The following GPR158 variants were observed in gnomAD, a reference collection of about 807,000 sequenced individuals.
GPR158 encodes the protein metabotropic glycine receptor.
GPR158 carries 30 observed loss-of-function variants against 78.2 expected under a neutral mutation model. That is an observed-to-expected ratio of 0.38 (90% CI 0.29 to 0.52). The LOEUF (loss-of-function observed/expected upper bound fraction) is 0.52, where lower values mean the gene tolerates loss of function less well. Among genes scored for constraint, GPR158 ranks in the 20% least tolerant of loss-of-function variants. The pLI is 0.83. For missense variants in GPR158, 1,463 were observed against 1,523.5 expected (o/e 0.96, Z 0.66); for synonymous variants, 581 against 591.1 (o/e 0.98, Z 0.25).
chr10:25,240,153 T>C (rs993725744), intron 2 of GPR158, among the ~76,000 whole-genome samples: 3 of 152,056 alleles, frequency 2.0e-5, no homozygotes, highest in Admixed American at 2.0e-4. Flanking sequence ...GGGGACAAAA[T>C]TATTCTGTTC....
chr10:25,518,474 A>G (rs1016008615), intron 5 of GPR158, among the ~76,000 whole-genome samples: 3 of 95,946 alleles, frequency 3.1e-5, no homozygotes, highest in African/African-American at 5.2e-5. Context: ...TCGGGTGTCA[A>G]TTTTAGATCT....
At chr10:25,289,455 C>A (rs988772494) in intron 2 of GPR158, among the ~76,000 whole-genome samples, 1 of 151,944 alleles carries the variant, frequency 6.6e-6, no homozygotes, top group Non-Finnish European at 1.5e-5. Flanking sequence ...TTTTTTGAGG[C>A]GGAGTCTTGC....
Position 25,533,584 on chromosome 10 carries a change from C to G in GPR158, c.1405-17392C>G, listed in dbSNP as rs539095013. On this transcript the variant is annotated intron_variant, in intron 5 of 10. Coordinates refer to ENST00000376351, the MANE Select transcript of GPR158 (RefSeq NM_020752.3). ...ATTCGGTTTAAAACATTCATTTTAC[C>G]ATTTGTTAACTTCATTCTTTATATA... Among the ~76,000 whole-genome samples the G allele has an allele frequency of 3.3e-5, 5 of 152,190 alleles. No homozygotes were observed. In the South Asian group the frequency reaches 6.2e-4, roughly 19 times the overall value.
intron 2 of GPR158, among the ~76,000 whole-genome samples, chr10:25,231,889 A>C (rs2130696039): frequency 6.6e-6 from 1 of 152,316 alleles, no homozygotes; most frequent in Admixed American, 6.5e-5. Context: ...AATGCTTTGA[A>C]GCTTCTCTGT....
At chr10:25,315,735 T>C (rs1854838032) in intron 2 of GPR158, among the ~76,000 whole-genome samples, 1 of 151,976 alleles carries the variant, frequency 6.6e-6, no homozygotes, top group Non-Finnish European at 1.5e-5. Context: ...TTTAAAGTTT[T>C]AAAGTTAGGA....
chr10:25,296,762 C>T (rs1481139562), intron 2 of GPR158, among the ~76,000 whole-genome samples: 2 of 152,136 alleles, frequency 1.3e-5, no homozygotes, highest in Non-Finnish European at 2.9e-5. Context: ...CTTCATTTTA[C>T]AGTTGAGGAA....
chr10:25,512,522 A>G (rs78054210), intron 5 of GPR158, among the ~76,000 whole-genome samples: 2 of 151,952 alleles, frequency 1.3e-5, no homozygotes, highest in Non-Finnish European at 2.9e-5. Context: ...GATGCCCTTT[A>G]TTTCTTTCTC....
At chr10:25,465,143 G>C (rs1307704122) in intron 4 of GPR158, among the ~76,000 whole-genome samples, 1 of 152,106 alleles carries the variant, frequency 6.6e-6, no homozygotes, top group African/African-American at 2.4e-5. Flanking sequence ...CCAGTTGTCT[G>C]ATAGTGCTTT....
intron 2 of GPR158, among the ~76,000 whole-genome samples, chr10:25,248,572 ATCCTT>A (rs1231794375): frequency 6.0e-5 from 9 of 150,974 alleles, no homozygotes; most frequent in African/African-American, 2.2e-4. Flanking sequence ...TAAATAGGGA[ATCCTT>A]TCCCCATTTC....
At chr10:25,433,536 G>GTGTGTGTGCGTGTGTGT (rs1554803596) in intron 4 of GPR158, among the ~76,000 whole-genome samples, 1 of 131,890 alleles carries the variant, frequency 7.6e-6, no homozygotes, top group African/African-American at 3.1e-5. Context: ...TTAGGGGTGT[G>GTGTGTGTGCGTGTGTGT]TGTGTGTGTG....
intron 7 of GPR158, among the ~76,000 whole-genome samples, chr10:25,578,259 C>T (rs983568229): frequency 2.0e-5 from 3 of 152,204 alleles, no homozygotes; most frequent in Non-Finnish European, 2.9e-5. Context: ...ACATGGCCTA[C>T]GTTGTTCAGA....
rs934201677 is a variant in GPR158, at chr10:25,250,853, G to A, written c.1008+29696G>A. On this transcript the variant is annotated intron_variant, in intron 2 of 10. Coordinates refer to ENST00000376351, the MANE Select transcript of GPR158 (RefSeq NM_020752.3). ...TCCGCTTGGTGCAGAGCTGAGTTCAGTTCCTGGGTATCCTTGTTGACTTTC... is the reference window on the plus strand; with the variant it reads ...TCCGCTTGGTGCAGAGCTGAGTTCAATTCCTGGGTATCCTTGTTGACTTTC... Among the ~76,000 whole-genome samples, 5 of 151,272 alleles carry A rather than the reference G, an allele frequency of 3.3e-5. No homozygotes were observed. In the South Asian group the frequency reaches 6.3e-4, roughly 19 times the overall value.
chr10:25,378,421 C>A (rs990573369), intron 2 of GPR158, among the ~76,000 whole-genome samples: 11 of 151,262 alleles, frequency 7.3e-5, no homozygotes, highest in African/African-American at 2.7e-4. Context: ...TTTTTTAAAT[C>A]ATTGTTAGAA....
intron 2 of GPR158, among the ~76,000 whole-genome samples, chr10:25,360,331 T>G (rs1855616127): frequency 6.6e-6 from 1 of 152,208 alleles, no homozygotes. Flanking sequence ...TGCCCATGCC[T>G]ATGTCCTGAA....
At chr10:25,565,991 C>T (rs958252962) in intron 6 of GPR158, among the ~76,000 whole-genome samples, 9 of 152,022 alleles carry the variant, frequency 5.9e-5, no homozygotes, top group East Asian at 1.9e-4. Context: ...GTTACTAGAG[C>T]GAGAAACAAA....
intron 3 of GPR158, among the ~76,000 whole-genome samples, chr10:25,404,098 C>G (rs553766029): frequency 1.3e-5 from 2 of 152,172 alleles, no homozygotes; most frequent in East Asian, 3.9e-4. Flanking sequence ...AGAACTTCAG[C>G]ATAAATCAGC....
intron 3 of GPR158, among the ~76,000 whole-genome samples, chr10:25,397,094 C>T (rs1357646374): frequency 6.6e-6 from 1 of 152,186 alleles, no homozygotes; most frequent in Non-Finnish European, 1.5e-5. Flanking sequence ...GGGAGTGCCT[C>T]TCCTATCACT....
At chr10:25,219,888 A>G (rs1853275108) in intron 1 of GPR158, among the ~76,000 whole-genome samples, 1 of 152,174 alleles carries the variant, frequency 6.6e-6, no homozygotes, top group Non-Finnish European at 1.5e-5. Flanking sequence ...GTTTTGGCAA[A>G]GCATAATGTT....
intron 2 of GPR158, among the ~76,000 whole-genome samples, chr10:25,269,529 G>T (rs1278384974): frequency 6.6e-6 from 1 of 152,140 alleles, no homozygotes; most frequent in East Asian, 1.9e-4. Flanking sequence ...AAAGAGCAGG[G>T]ATTAAATTCT....
Sources: gnomAD v4.1 joint callset for allele counts (sites outside exome capture counted in the v4.1 genomes callset) on GRCh38, gnomAD v4.1.1 for gene constraint, MANE v1.5 for transcripts, NCBI Gene and HGNC (gene_info 2026-07-23, HGNC 2026-07-21) for gene names.